KLF13: variants seen among roughly 807,000 people sequenced by gnomAD.
KLF13 encodes Krueppel-like factor 13.
In KLF13, 8 loss-of-function variants were observed where a neutral mutation model predicts 16.7. The observed-to-expected ratio is 0.48, with a 90% CI of 0.28 to 0.87. KLF13 has a LOEUF of 0.87. Ranked by LOEUF, KLF13 falls within the 40% of genes least tolerant of loss-of-function variation. The pLI is 0.10. For synonymous variants in KLF13, 245 were observed against 208.4 expected (o/e 1.18, Z -1.51); for missense variants, 447 against 452.2 (o/e 0.99, Z 0.10).
At position 31,393,529 on chromosome 15, in the gene KLF13, C is replaced by T. The variant is rs952746018; in HGVS notation, n.414-47C>T. The stretch of plus-strand genomic sequence containing the variant: ...GCCCCATCCCAGCACCCTTGTCCCT[C>T]GGTCCTCCCACTACTCGTCTAGTAC... On this transcript the variant is annotated intron_variant and non_coding_transcript_variant, in intron 1 of 2. Transcript: ENST00000500533. 2.0e-5 allele frequency: 3 copies of T among 152,138 alleles called. No homozygotes were observed. In the East Asian group the frequency reaches 5.9e-4, roughly 30 times the overall value. The allele number at this position is 152,138 out of a possible 1,614,324, so 9.4% of individuals were successfully genotyped here.
chr15:31,400,822 G>A (rs1049048831), intron 2 of KLF13, among the ~76,000 whole-genome samples: 2 of 152,114 alleles, frequency 1.3e-5, no homozygotes, highest in African/African-American at 2.4e-5. Context: ...CTGGTTGACT[G>A]CCTGTGAGGG....
chr15:31,388,443 C>G (rs1228868059), upstream of KLF13, among the ~76,000 whole-genome samples: 1 of 151,980 alleles, frequency 6.6e-6, no homozygotes, highest in Non-Finnish European at 1.5e-5. Context: ...GAAACCCTGT[C>G]TCTCCATGTA....
At position 31,327,464 on chromosome 15, in the gene KLF13, G is replaced by A; in HGVS notation, c.252G>A (p.Arg84=). The change falls in exon 1 of 2, where the codon AGG becomes AGA. Residue 84 remains arginine (R), a synonymous_variant. Transcript: ENST00000307145. Reference sequence around the variant, plus strand: ...CGGCGCCCGCCCCGGCGGAGCGCAGGGAGGGCGCCGCGGCCCGGAAGGCGA... The same window carrying A: ...CGGCGCCCGCCCCGGCGGAGCGCAGAGAGGGCGCCGCGGCCCGGAAGGCGA... The part of the protein sequence containing the change: ...QAPAPAPAER[R]EGAAARKART... The A allele has an allele frequency of 8.2e-7, 1 of 1,219,632 alleles. No homozygotes were observed. The highest frequency in any genetic ancestry group is 1.6e-5 in the African/African-American group (1 of 62,410). 75.6% of individuals were successfully genotyped at this position (1,219,632 alleles called of 1,614,324 possible).
At chr15:31,392,424 C>G (rs1007630375), upstream of KLF13, among the ~76,000 whole-genome samples, 9 of 152,194 alleles carry the variant, frequency 5.9e-5, no homozygotes, top group Non-Finnish European at 1.2e-4. Context: ...CTCGAGCCGC[C>G]CAGGCCACGC....
chr15:31,350,308 C>T (rs1327737674), intron 1 of KLF13, among the ~76,000 whole-genome samples: 1 of 152,182 alleles, frequency 6.6e-6, no homozygotes, highest in Non-Finnish European at 1.5e-5. Context: ...TGCAGGGCAC[C>T]TGGATGCCGA....
downstream of KLF13, among the ~76,000 whole-genome samples, chr15:31,381,458 C>T (rs1180529693): frequency 6.6e-6 from 1 of 152,148 alleles, no homozygotes; most frequent in Non-Finnish European, 1.5e-5. Flanking sequence ...CCTAATCTCC[C>T]TCTTATAAGG....
chr15:31,381,723 A>ATC (rs2140975925), downstream of KLF13, among the ~76,000 whole-genome samples: 1 of 152,350 alleles, frequency 6.6e-6, no homozygotes, highest in Non-Finnish European at 1.5e-5. Flanking sequence ...TGGACTGAGC[A>ATC]TCTCTTCCAC....
chr15:31,337,361 C>G (rs2038947391), intron 1 of KLF13, among the ~76,000 whole-genome samples: 1 of 152,254 alleles, frequency 6.6e-6, no homozygotes, highest in Non-Finnish European at 1.5e-5. Context: ...CACGTTAGGA[C>G]CCACAGGGGC....
chr15:31,427,570 C>G (rs2040414758), intron 1 of KLF13, among the ~76,000 whole-genome samples: 1 of 152,172 alleles, frequency 6.6e-6, no homozygotes, highest in Admixed American at 6.5e-5. Context: ...ACTTAAATGT[C>G]TATGGACAGA....
chr15:31,368,236 C>T (rs74719997), intron 1 of KLF13, among the ~76,000 whole-genome samples: 3 of 152,310 alleles, frequency 2.0e-5, no homozygotes, highest in Admixed American at 6.5e-5. Context: ...GGAGCTTTTT[C>T]GAGGCCATAG....
chr15:31,427,632 C>A (rs1439437415), intron 1 of KLF13, among the ~76,000 whole-genome samples: 1 of 152,154 alleles, frequency 6.6e-6, no homozygotes, highest in Non-Finnish European at 1.5e-5. Context: ...TGAGTCATTT[C>A]TCACACTGTT....
chr15:31,383,121 A>C (rs1003251000), intron 1 of KLF13, among the ~76,000 whole-genome samples: 17 of 152,240 alleles, frequency 1.1e-4, no homozygotes, highest in African/African-American at 4.1e-4. Flanking sequence ...TCTCAACACC[A>C]GCAACACAAG....
At chr15:31,370,694 T>C (rs1050690797) in intron 1 of KLF13, among the ~76,000 whole-genome samples, 1 of 152,168 alleles carries the variant, frequency 6.6e-6, no homozygotes, top group Non-Finnish European at 1.5e-5. Context: ...GCTGAGATTA[T>C]AGGCATGAGC....
At chr15:31,423,599 T>G (rs2040370238) in intron 1 of KLF13, among the ~76,000 whole-genome samples, 1 of 152,056 alleles carries the variant, frequency 6.6e-6, no homozygotes, top group Non-Finnish European at 1.5e-5. Flanking sequence ...GCCATTGCAC[T>G]CCAGCCTGGG....
In KLF13 at chr15:31,413,196, A is replaced by AC. The variant is rs201482636; in HGVS notation, n.117+19505_117+19506insC. Among the ~76,000 whole-genome samples, 72 of 146,840 alleles carry AC rather than the reference A, an allele frequency of 4.9e-4. 3 individuals carry two copies. Among genetic ancestry groups the AC allele is most frequent in the African/African-American group, 1.2e-3 (47 of 40,614 alleles). On this transcript the variant is annotated intron_variant and non_coding_transcript_variant, in intron 1 of 1. Coordinates refer to the KLF13 transcript ENST00000558225. ...AGAGAAAATGAATAGACAAAAAAAA[A>AC]AAAAAACAAAAAACAAAAAAACCAG...
chr15:31,380,266 T>C (rs2039707827), downstream of KLF13, among the ~76,000 whole-genome samples: 2 of 152,176 alleles, frequency 1.3e-5, no homozygotes, highest in African/African-American at 4.8e-5. Flanking sequence ...CACTTCAGCA[T>C]GGACAACAAG....
Position 31,375,342 on chromosome 15 carries a change from TC to T in KLF13, c.*3045del, listed in dbSNP as rs1401814061. 1 of 152,208 alleles carries T rather than the reference TC, an allele frequency of 6.6e-6. No homozygotes were observed. The highest frequency in any genetic ancestry group is 1.5e-5 in the Non-Finnish European group (1 of 68,032). 9.4% of individuals were successfully genotyped at this position (152,208 alleles called of 1,614,324 possible). ...CAAGGCGGACCCTCCTGAAACAGCC[TC>T]CATTTTCTTCAAACATGCAGAATGT... On this transcript the variant is annotated 3_prime_UTR_variant, in exon 2 of 2. Transcript: ENST00000307145.
intron 1 of KLF13, among the ~76,000 whole-genome samples, chr15:31,341,537 C>CTTT (rs34870652): frequency 1.5e-4 from 18 of 121,452 alleles, no homozygotes; most frequent in South Asian, 2.7e-4. Context: ...CAATTCAGAA[C>CTTT]TTTTTTTTTT....
At chr15:31,370,686 T>C (rs1329349154) in intron 1 of KLF13, among the ~76,000 whole-genome samples, 1 of 152,250 alleles carries the variant, frequency 6.6e-6, no homozygotes, top group East Asian at 1.9e-4. Context: ...CCCAAAGTGC[T>C]GAGATTATAG....
Sources: allele counts gnomAD v4.1 joint callset (sites outside exome capture counted in the v4.1 genomes callset), GRCh38; gene constraint gnomAD v4.1.1; transcripts MANE v1.5; gene names NCBI Gene and HGNC (gene_info 2026-07-23, HGNC 2026-07-21).